The following ARHGEF6 variants were observed in gnomAD, a reference collection of about 807,000 sequenced individuals.
ARHGEF6 encodes Rac/Cdc42 guanine nucleotide exchange factor 6.
A neutral mutation model predicts 70.3 loss-of-function variants in ARHGEF6; 9 were observed. The observed-to-expected ratio is 0.13, with a 90% confidence interval of 0.08 to 0.22. The LOEUF (loss-of-function observed/expected upper bound fraction) is 0.22, where lower values mean the gene tolerates loss of function less well. Among genes scored for constraint, ARHGEF6 ranks in the 10% least tolerant of loss-of-function variants. The pLI is 1.00. For synonymous variants in ARHGEF6, 201 were observed against 207.8 expected, an observed-to-expected ratio of 0.97 and a Z score of 0.28; for missense variants, 470 against 563.0, an observed-to-expected ratio of 0.83 and a Z score of 1.67.
intron 18 of ARHGEF6, among the ~76,000 whole-genome samples, chrX:136,675,617 G>A (rs1051999465): frequency 3.6e-5 from 4 of 110,132 alleles, no homozygotes; most frequent in African/African-American, 1.3e-4. Flanking sequence ...CCGGGTTCAC[G>A]CCATTCTCCT....
chrX:136,727,391 TTCTTTC>T lies in ARHGEF6; in HGVS notation c.732+4705_732+4710del, dbSNP rs1360493407. Among the ~76,000 whole-genome samples the T allele has an allele frequency of 8.5e-3, 566 of 66,897 alleles. 2 individuals carry two copies. Among genetic ancestry groups the T allele is most frequent in the Non-Finnish European group, 0.013 (467 of 34,838 alleles). The allele number at this position is 66,897 out of a possible 115,157, so 58.1% of individuals were successfully genotyped here. On this transcript the variant is annotated intron_variant, in intron 6 of 21. Transcript: ENST00000250617. ...TTTCTTTCTTTCTTTCTTTCTTTCT[TTCTTTC>T]TCTCTCTCTCTCTCTCTTTCTTTCT...
At chrX:136,728,476 G>C (rs1266422003) in intron 6 of ARHGEF6, among the ~76,000 whole-genome samples, 1 of 109,068 alleles carries the variant, frequency 9.2e-6, no homozygotes, top group Non-Finnish European at 1.9e-5. Flanking sequence ...CTTGAAAAAG[G>C]GGAGAATATG....
At chrX:136,729,012 CTCT>C (rs1569411806) in intron 6 of ARHGEF6, among the ~76,000 whole-genome samples, 73 of 71,801 alleles carry the variant, frequency 1.0e-3, no homozygotes, top group Non-Finnish European at 1.2e-3. Flanking sequence ...CTCTCTCTCT[CTCT>C]CTCTCTCTCT....
At chrX:136,671,778 AG>A (rs1233646478) in intron 20 of ARHGEF6, among the ~76,000 whole-genome samples, 3 of 112,176 alleles carry the variant, frequency 2.7e-5, no homozygotes, top group African/African-American at 9.7e-5. Context: ...AGCTGGCTGC[AG>A]GGGCAGCTGC....
chrX:136,711,838 G>A (rs1274653248), intron 7 of ARHGEF6, among the ~76,000 whole-genome samples: 1 of 112,341 alleles, frequency 8.9e-6, no homozygotes, highest in African/African-American at 3.2e-5. Flanking sequence ...TGGGATTACA[G>A]GCGTCAGCCA....
chrX:136,745,831 G>A (rs1299148827), intron 3 of ARHGEF6, among the ~76,000 whole-genome samples: 3 of 111,928 alleles, frequency 2.7e-5, no homozygotes, highest in Non-Finnish European at 5.6e-5. Context: ...GGGCAGGGTG[G>A]AGAATGAGAG....
chrX:136,747,848 G>A (rs1022592688), intron 2 of ARHGEF6, among the ~76,000 whole-genome samples: 7 of 109,571 alleles, frequency 6.4e-5, no homozygotes, highest in African/African-American at 2.3e-4. Context: ...AGAAGGCAGC[G>A]CCCACCAGGA....
chrX:136,674,236 C>T (rs1427485363), intron 19 of ARHGEF6, among the ~76,000 whole-genome samples: 2 of 112,240 alleles, frequency 1.8e-5, no homozygotes, highest in Non-Finnish European at 3.8e-5. Context: ...CTAAGAAATC[C>T]CCTCCCACAT....
intron 10 of ARHGEF6, among the ~76,000 whole-genome samples, chrX:136,688,734 T>C (rs1209532010): frequency 8.0e-5 from 9 of 112,027 alleles, no homozygotes; most frequent in Non-Finnish European, 1.5e-4. Context: ...CTAAAATGCC[T>C]CCATTTTCTT....
At chrX:136,673,095 A>G (rs2076242111) in intron 19 of ARHGEF6, among the ~76,000 whole-genome samples, 1 of 112,512 alleles carries the variant, frequency 8.9e-6, no homozygotes, top group African/African-American at 3.2e-5. Context: ...TTAAAACCCA[A>G]TGCAGTATAA....
At chrX:136,710,352 T>G (rs1481802982) in intron 7 of ARHGEF6, among the ~76,000 whole-genome samples, 6 of 99,242 alleles carry the variant, frequency 6.0e-5, no homozygotes, top group African/African-American at 2.3e-4. Flanking sequence ...TATATATATA[T>G]AGAATACCAG....
chrX:136,764,921 A>G (rs2077299637), intron 2 of ARHGEF6, among the ~76,000 whole-genome samples: 1 of 112,329 alleles, frequency 8.9e-6, no homozygotes, highest in Non-Finnish European at 1.9e-5. Flanking sequence ...AAGTGACTCC[A>G]ATGTACAGCC....
At chrX:136,755,663 T>A (rs768972643) in intron 2 of ARHGEF6, among the ~76,000 whole-genome samples, 22 of 112,345 alleles carry the variant, frequency 2.0e-4, no homozygotes, top group Non-Finnish European at 3.4e-4. Context: ...CTATCCATAA[T>A]GTCCTCACTG....
At chrX:136,767,355 C>T (rs773552475) in intron 2 of ARHGEF6, 32 of 755,163 alleles carry the variant, frequency 4.2e-5, no homozygotes, top group Non-Finnish European at 5.0e-5. Context: ...GAGAGCTGGG[C>T]TAGGCTCGCC....
At chrX:136,686,701 TATATATAC>T (rs1264534870) in intron 11 of ARHGEF6, among the ~76,000 whole-genome samples, 2 of 28,845 alleles carry the variant, frequency 6.9e-5, no homozygotes, top group East Asian at 2.2e-3. Context: ...TATACACATA[TATATATAC>T]ATATATATAT....
intron 2 of ARHGEF6, among the ~76,000 whole-genome samples, chrX:136,754,784 T>C (rs1185141485): frequency 9.0e-6 from 1 of 111,403 alleles, no homozygotes; most frequent in Non-Finnish European, 1.9e-5. Context: ...CCAGCCATTG[T>C]GGCTTGGCGG....
In ARHGEF6 at chrX:136,729,000, TTCTCTCTCTCTCTCTCTCTC is replaced by T. The variant is rs746818580; in HGVS notation, c.732+3082_732+3101del. Among the ~76,000 whole-genome samples, 27 of 16,075 alleles carry T rather than the reference TTCTCTCTCTCTCTCTCTCTC, an allele frequency of 1.7e-3. 2 individuals carry two copies. The highest frequency in any genetic ancestry group is 0.01 in the East Asian group (4 of 393). 14.0% of individuals were successfully genotyped at this position (16,075 alleles called of 115,157 possible). On this transcript the variant is annotated intron_variant, in intron 6 of 21. Transcript: ENST00000250617. ...GTCACATGTGCCAATTCCTTATTCA[TTCTCTCTCTCTCTCTCTCTC>T]TCTCTCTCTCTCTCTCTCTCTCTCT...
chrX:136,690,823 A>G lies in ARHGEF6; in HGVS notation c.1047-75T>C, dbSNP rs978710106. On this transcript the variant is annotated intron_variant, in intron 9 of 21. Transcript: ENST00000250617. ...AGAATTATCAACCTAAAATTATTTT[A>G]CTGTATTTCACACAATATAAAGCCA... 214 of 1,059,164 alleles carry G rather than the reference A, an allele frequency of 2.0e-4. No homozygotes were observed. The East Asian group carries it at 6.2e-3, about 31-fold the overall frequency. 87.3% of individuals were successfully genotyped at this position (1,059,164 alleles called of 1,213,427 possible). A position where few individuals can be genotyped will look rare whatever the true frequency, so the allele number is the denominator to read the frequency against.
chrX:136,721,404 A>C (rs1160273858), intron 6 of ARHGEF6, among the ~76,000 whole-genome samples: 1 of 110,809 alleles, frequency 9.0e-6, no homozygotes, highest in Admixed American at 9.6e-5. Context: ...CTCTACAAAA[A>C]ACTAAAAAAT....
Sources: gnomAD v4.1 joint callset for allele counts (sites outside exome capture counted in the v4.1 genomes callset) on GRCh38, gnomAD v4.1.1 for gene constraint, MANE v1.5 for transcripts, NCBI Gene and HGNC (gene_info 2026-07-23, HGNC 2026-07-21) for gene names.